COBLL1: variants seen among roughly 807,000 people sequenced by gnomAD.
COBLL1 encodes the protein cordon-bleu protein-like 1.
A neutral mutation model predicts 94.8 loss-of-function variants in COBLL1; 50 were observed. The observed-to-expected ratio is 0.53, with a 90% CI of 0.42 to 0.67. The LOEUF (loss-of-function observed/expected upper bound fraction) is 0.67. COBLL1 is among the 30% of genes least tolerant of loss of function. The pLI, the probability that COBLL1 is intolerant of heterozygous loss-of-function variation, is 0.00. For synonymous variants in COBLL1, 448 were observed against 473.8 expected (o/e 0.95, Z 0.71); for missense variants, 1,362 against 1,348.7 (o/e 1.01, Z -0.15).
rs527349452 is a variant in COBLL1 at position 164,667,612 on chromosome 2, C to G, written n.127-1711G>C. ...TCAGCACTTGCTGCTTCACTTTACA[C>G]TTTTCTGTTACAGAGACAGCTTCTT... On this transcript the variant is annotated intron_variant and non_coding_transcript_variant, in intron 1 of 2. Coordinates refer to the COBLL1 transcript ENST00000495084. Among the ~76,000 whole-genome samples, 6 of 152,326 alleles carry G rather than the reference C, an allele frequency of 3.9e-5. No homozygotes were observed. The South Asian group carries it at 1.2e-3, about 32-fold the overall frequency.
chr2:164,694,751 T>G lies in COBLL1; in HGVS notation c.2641A>C (p.Thr881Pro). The G allele has an allele frequency of 6.2e-7, 1 of 1,613,756 alleles. No individual in the cohort carries two copies. The highest frequency in any genetic ancestry group is 8.5e-7 in the Non-Finnish European group (1 of 1,179,946). Reference protein sequence around the residue: ...MQKRVSGHYVTSAAAKSVHAA... With the variant: ...MQKRVSGHYVPSAAAKSVHAA... ...TGGACACTCTTGGCAGCTGCAGATG[T>G]CACATAGTGACCCGATACTCTCTTC... The change falls in exon 12 of 14, where the codon ACA becomes CCA. Residue 881 changes from threonine (T) to proline (P), a missense_variant. Thr to Pro is a conservative substitution (Grantham distance 38, BLOSUM62 -1). Transcript: ENST00000652658.
chr2:164,749,329 G>A lies in COBLL1; in HGVS notation c.42-5454C>T, dbSNP rs1574515418. Among the ~76,000 whole-genome samples the A allele has an allele frequency of 5.9e-5, 9 of 152,202 alleles. No homozygotes were observed. In the South Asian group the frequency reaches 1.9e-3, roughly 32 times the overall value. Reference sequence around the variant, plus strand: ...GCTTCAATATTAAATACAAAAATATGAGTGAATTCTCAGTCTTAAAACAAT... The same window carrying A: ...GCTTCAATATTAAATACAAAAATATAAGTGAATTCTCAGTCTTAAAACAAT... On this transcript the variant is annotated intron_variant, in intron 2 of 13. Transcript: ENST00000652658.
chr2:164,779,188 G>C (rs549440992), intron 2 of COBLL1, among the ~76,000 whole-genome samples: 3 of 152,082 alleles, frequency 2.0e-5, no homozygotes, highest in African/African-American at 7.2e-5. Context: ...AGTAGGGGTA[G>C]GAAAATTTGG....
chr2:164,771,567 G>A (rs1358341871), intron 2 of COBLL1, among the ~76,000 whole-genome samples: 1 of 151,876 alleles, frequency 6.6e-6, no homozygotes, highest in Non-Finnish European at 1.5e-5. Flanking sequence ...ATATGACTTG[G>A]GAGTTTCATG....
chr2:164,730,177 C>G (rs1333941245), intron 3 of COBLL1, 62 bp from the exon 4 acceptor site: 1 of 1,364,866 alleles, frequency 7.3e-7, no homozygotes, highest in Non-Finnish European at 1.0e-6. Context: ...GAATGCTTGT[C>G]TTCAATAGAT....
chr2:164,670,490 A>T (rs1281477561), intron 1 of COBLL1, among the ~76,000 whole-genome samples: 1 of 152,226 alleles, frequency 6.6e-6, no homozygotes, highest in African/African-American at 2.4e-5. Context: ...CACTCTTGTG[A>T]ATTAAAAAGT....
rs114670564 is a variant in COBLL1, at chr2:164,664,201, C to T, written n.181+1646G>A. 2.7e-3 allele frequency among the ~76,000 whole-genome samples: 404 copies of T among 152,306 alleles called. 3 individuals are homozygous for T. Among genetic ancestry groups the T allele is most frequent in the African/African-American group, 9.3e-3 (387 of 41,572 alleles). The stretch of plus-strand genomic sequence containing the variant: ...GTATTTGCACACTATTCTCTGATGA[C>T]ACTGCTCAAGCAGTCACCTATGATG... On this transcript the variant is annotated intron_variant and non_coding_transcript_variant, in intron 2 of 2. Coordinates refer to the COBLL1 transcript ENST00000495084.
Position 164,805,343 on chromosome 2 carries a change from A to T in COBLL1, c.41+35813T>A, listed in dbSNP as rs1225498907. Among the ~76,000 whole-genome samples the T allele has an allele frequency of 6.7e-4, 62 of 93,062 alleles. 3 individuals are homozygous for T. Among genetic ancestry groups the T allele is most frequent in the African/African-American group, 1.4e-3 (32 of 23,260 alleles). The allele number at this position is 93,062 out of a possible 152,430, so 61.1% of individuals were successfully genotyped here. ...TCTCTCTCTCTCTCTCTCTCTATATATATATATATATATATATATAAAACT... is the reference window on the plus strand; with the variant it reads ...TCTCTCTCTCTCTCTCTCTCTATATTTATATATATATATATATATAAAACT... On this transcript the variant is annotated intron_variant, in intron 2 of 13. Transcript: ENST00000652658.
intron 7 of COBLL1, among the ~76,000 whole-genome samples, chr2:164,712,935 G>A (rs1684975506): frequency 6.6e-6 from 1 of 152,050 alleles, no homozygotes; most frequent in Admixed American, 6.6e-5. Context: ...TATACATGAT[G>A]CACATAGATA....
intron 1 of COBLL1, among the ~76,000 whole-genome samples, chr2:164,674,301 T>C (rs910431912): frequency 6.6e-5 from 10 of 152,174 alleles, no homozygotes; most frequent in Non-Finnish European, 1.2e-4. Flanking sequence ...CCTCGTGATC[T>C]GCCCACCTCG....
intron 2 of COBLL1, among the ~76,000 whole-genome samples, chr2:164,665,341 AG>A (rs755963920): frequency 0.12 from 16,187 of 139,870 alleles, 1,114 homozygotes; most frequent in Non-Finnish European, 0.15. Context: ...AAAAAAAAAA[AG>A]AAAGAAAGAA....
At chr2:164,705,957 C>T (rs528780975) in intron 7 of COBLL1, among the ~76,000 whole-genome samples, 48 of 152,188 alleles carry the variant, frequency 3.2e-4, no homozygotes, top group African/African-American at 9.2e-4. Flanking sequence ...TCGCTTGAAT[C>T]CCAGAGGCGG....
At chr2:164,771,155 G>A (rs1688182310) in intron 2 of COBLL1, among the ~76,000 whole-genome samples, 1 of 151,848 alleles carries the variant, frequency 6.6e-6, no homozygotes, top group South Asian at 2.1e-4. Flanking sequence ...GTCACTGAGA[G>A]ATCATTGTTT....
intron 3 of COBLL1, among the ~76,000 whole-genome samples, chr2:164,737,256 G>A (rs1296765507): frequency 6.6e-6 from 1 of 151,902 alleles, no homozygotes; most frequent in African/African-American, 2.4e-5. Context: ...AGGGAAGAGG[G>A]TGGCCCTGCC....
chr2:164,835,015 G>A (rs1683252435), intron 2 of COBLL1, among the ~76,000 whole-genome samples: 1 of 151,908 alleles, frequency 6.6e-6, no homozygotes, highest in Non-Finnish European at 1.5e-5. Flanking sequence ...GAAGAGAATT[G>A]GAACCTCATG....
intron 2 of COBLL1, among the ~76,000 whole-genome samples, chr2:164,805,333 CTCTCTA>C (rs1684062214): frequency 4.9e-5 from 1 of 20,556 alleles, no homozygotes; most frequent in African/African-American, 1.9e-4. Context: ...CTCTCTCTCT[CTCTCTA>C]TATATATATA....
chr2:164,674,365 T>C (rs753066637), intron 1 of COBLL1, among the ~76,000 whole-genome samples: 46 of 152,114 alleles, frequency 3.0e-4, no homozygotes, highest in Non-Finnish European at 5.7e-4. Flanking sequence ...AGCCAAAATT[T>C]ACTGTCTTAT....
chr2:164,776,253 T>A (rs13015088), intron 2 of COBLL1, among the ~76,000 whole-genome samples: 7,025 of 152,188 alleles, frequency 0.046, 247 homozygotes, highest in Middle Eastern at 0.095. Flanking sequence ...ACGCTTCCCA[T>A]GGCCCTTAGA....
chr2:164,692,237 G>A lies in COBLL1; in HGVS notation c.3284C>T (p.Ala1095Val). 1 of 1,601,954 alleles carries A rather than the reference G, an allele frequency of 6.2e-7. No homozygotes were observed. The highest frequency in any genetic ancestry group is 8.5e-7 in the Non-Finnish European group (1 of 1,175,496). The change falls in exon 13 of 14, where the codon GCT becomes GTT. Residue 1095 changes from alanine (A) to valine (V), a missense_variant. Physicochemically the swap from Ala to Val is moderately conservative, Grantham distance 64 (BLOSUM62 0). Transcript: ENST00000652658. The part of the protein sequence containing the change: ...LLTAIRSGEA[A>V]AKLKRVTIPS... ...AAGACTTACCCTTTTCAATTTGGCA[G>A]CAGCCTCTCCCGAACGGATTGCAGT... is the stretch of plus-strand genomic sequence containing the variant.
Sources: gnomAD v4.1 joint callset for allele counts (sites outside exome capture counted in the v4.1 genomes callset) on GRCh38, gnomAD v4.1.1 for gene constraint, MANE v1.5 for transcripts, NCBI Gene and HGNC (gene_info 2026-07-23, HGNC 2026-07-21) for gene names.